FNIP2: variants seen among roughly 807,000 people sequenced by gnomAD.
The protein encoded by FNIP2 is folliculin-interacting protein 2.
Under a neutral mutation model 108.7 loss-of-function variants are expected in FNIP2, and 32 were observed. The observed-to-expected ratio is 0.29, with a 90% confidence interval of 0.22 to 0.40. The LOEUF (loss-of-function observed/expected upper bound fraction) is 0.40. Ranked by LOEUF, FNIP2 falls within the 10% of genes least tolerant of loss-of-function variation. The pLI, the probability that FNIP2 is intolerant of heterozygous loss-of-function variation, is 1.00. For missense variants in FNIP2, 1,202 were observed against 1,381.6 expected (o/e 0.87, Z 2.06); for synonymous variants, 480 against 496.7 (o/e 0.97, Z 0.45).
chr4:158,853,571 C>G (rs1305066135), intron 8 of FNIP2, among the ~76,000 whole-genome samples: 2 of 152,196 alleles, frequency 1.3e-5, no homozygotes, highest in Non-Finnish European at 2.9e-5. Flanking sequence ...GTTCCCCACC[C>G]TGTGTCCAAG....
At position 158,868,682 on chromosome 4, in the gene FNIP2, C is replaced by G; in HGVS notation, c.2046C>G (p.Val682=). Residue 682 remains valine (V), a synonymous_variant, in exon 13 of 17, where the codon GTC becomes GTG. Coordinates refer to ENST00000264433, the MANE Select transcript of FNIP2 (RefSeq NM_020840.3). The surrounding 1 kb of genome is among the most constrained non-coding windows in gnomAD (Gnocchi z 4.6). ...GAGMKMDQQA[V]CELLKVEMPT... ...GAATGAAGATGGACCAGCAAGCTGT[C>G]TGTGAGCTGTTGAAAGTGGAGATGC... 2 of 1,614,024 alleles carry G rather than the reference C, an allele frequency of 1.2e-6. No individual in the cohort carries two copies. Among genetic ancestry groups the G allele is most frequent in the Non-Finnish European group, 1.7e-6 (2 of 1,179,906 alleles).
At chr4:158,811,049 T>C (rs1254751851) in intron 1 of FNIP2, among the ~76,000 whole-genome samples, 4 of 152,134 alleles carry the variant, frequency 2.6e-5, no homozygotes, top group African/African-American at 9.7e-5. Context: ...GAGAGAGCAA[T>C]AACTTGTGAC....
intron 14 of FNIP2, among the ~76,000 whole-genome samples, chr4:158,875,762 T>C (rs1781247358): frequency 6.6e-6 from 1 of 152,060 alleles, no homozygotes; most frequent in Admixed American, 6.5e-5. Context: ...TTTCCCCATG[T>C]TTGGATAATA....
intron 1 of FNIP2, chr4:158,806,358 A>G (rs762436508): frequency 4.7e-6 from 6 of 1,289,434 alleles, no homozygotes; most frequent in Non-Finnish European, 6.1e-6. Flanking sequence ...GGGCGCTTTT[A>G]TGCACAAAGA....
chr4:158,876,719 A>C (rs895471172), intron 14 of FNIP2, among the ~76,000 whole-genome samples: 1 of 152,186 alleles, frequency 6.6e-6, no homozygotes, highest in African/African-American at 2.4e-5. Context: ...GAAAGTGCTC[A>C]CTAACGTTAG....
In FNIP2 at chr4:158,829,056, C is replaced by T. The variant is rs375973911; in HGVS notation, c.235-23C>T. ...CCTGATATACTTAGTAATCTTTTACCTTGCCTGTCTCTCTTAACCTAGAAA... is the reference window on the plus strand; with the variant it reads ...CCTGATATACTTAGTAATCTTTTACTTTGCCTGTCTCTCTTAACCTAGAAA... On this transcript the variant is annotated intron_variant, in intron 2 of 16. Transcript: ENST00000264433. The T allele has an allele frequency of 1.3e-5, 21 of 1,564,628 alleles. No individual in the cohort carries two copies. The African/African-American group carries it at 2.4e-4, about 18-fold the overall frequency.
rs1485251786 is a variant in FNIP2, at chr4:158,868,480, A to G, written c.1844A>G (p.Asp615Gly). The change falls in exon 13 of 17, where the codon GAC (aspartate) becomes GGC (glycine). Residue 615 changes from aspartate to glycine, a missense_variant. Physicochemically the swap from Asp to Gly is moderately conservative, Grantham distance 94. This residue lies in a region of FNIP2 where 878 missense variants were observed against 990.3 expected (regional missense o/e 0.89). Coordinates refer to ENST00000264433, the MANE Select transcript of FNIP2 (RefSeq NM_020840.3). This position sits in a 1 kb window ranked among gnomAD's most constrained non-coding sequence, Gnocchi z 4.6. ...AGTAGAGACCTGGGTCTTAAACCTG[A>G]CAAAGAAGCTAACAGGAGGCCAGAG... ...TDSRDLGLKP[D>G]KEANRRPEQG... is the part of the protein sequence containing the mutation. 2 of 1,614,038 alleles carry G rather than the reference A, an allele frequency of 1.2e-6. No individual in the cohort carries two copies. Among genetic ancestry groups the G allele is most frequent in the South Asian group, 1.1e-5 (1 of 91,078 alleles).
At chr4:158,811,555 TTAATAA>T (rs56387475) in intron 1 of FNIP2, among the ~76,000 whole-genome samples, 1 of 151,356 alleles carries the variant, frequency 6.6e-6, no homozygotes, top group East Asian at 1.9e-4. Flanking sequence ...ATAATATTAA[TTAATAA>T]TAATAATGAT....
rs974653210 is a variant in FNIP2, at chr4:158,890,378, G to A, written c.2950-1068G>A. Reference sequence around the variant, plus strand: ...CCCTTGGATAATAGTAGGAAAAAATGTTGGTCCGCACGAAGTTTTCATTCA... The same window carrying A: ...CCCTTGGATAATAGTAGGAAAAAATATTGGTCCGCACGAAGTTTTCATTCA... On this transcript the variant is annotated intron_variant, in intron 14 of 16. Transcript: ENST00000264433. 1.4e-5 allele frequency: 14 copies of A among 984,430 alleles called. No homozygotes were observed. The African/African-American group carries it at 2.3e-4, about 16-fold the overall frequency. 61.0% of individuals were successfully genotyped at this position (984,430 alleles called of 1,614,324 possible).
intron 14 of FNIP2, among the ~76,000 whole-genome samples, chr4:158,875,764 T>C (rs774271067): frequency 2.6e-5 from 4 of 152,042 alleles, no homozygotes; most frequent in Non-Finnish European, 5.9e-5. Context: ...TCCCCATGTT[T>C]GGATAATAAA....
chr4:158,845,822 A>C (rs1039978115), intron 7 of FNIP2, among the ~76,000 whole-genome samples: 3 of 152,244 alleles, frequency 2.0e-5, no homozygotes, highest in African/African-American at 7.2e-5. Context: ...CAGCACTTTT[A>C]CATAAAAATC....
chr4:158,845,926 G>A (rs1246155502), intron 7 of FNIP2, among the ~76,000 whole-genome samples: 1 of 152,162 alleles, frequency 6.6e-6, no homozygotes, highest in African/African-American at 2.4e-5. Context: ...GTGTCATTCA[G>A]CAGGAAAAAA....
chr4:158,774,452 G>A (rs1007282960), intron 1 of FNIP2, among the ~76,000 whole-genome samples: 5 of 152,080 alleles, frequency 3.3e-5, no homozygotes, highest in Admixed American at 6.5e-5. Flanking sequence ...TACACTGTGA[G>A]GGAATAGAGT....
chr4:158,781,659 C>T (rs1017297060), intron 1 of FNIP2, among the ~76,000 whole-genome samples: 6 of 152,186 alleles, frequency 3.9e-5, no homozygotes, highest in Middle Eastern at 3.4e-3. Context: ...GGACTACAGG[C>T]GCATGCCACC....
intron 14 of FNIP2, among the ~76,000 whole-genome samples, chr4:158,884,969 T>A (rs1781939626): frequency 7.5e-6 from 1 of 133,688 alleles, no homozygotes; most frequent in African/African-American, 2.8e-5. Context: ...GGCAAAACCC[T>A]ACCTCTGCTA....
chr4:158,818,113 T>C (rs1274425665), intron 1 of FNIP2, among the ~76,000 whole-genome samples: 1 of 152,250 alleles, frequency 6.6e-6, no homozygotes, highest in Non-Finnish European at 1.5e-5. Flanking sequence ...TTTTCCTCTC[T>C]GTACTTTGTA....
In FNIP2 at chr4:158,845,483, C is replaced by T. The variant is rs1779350308; in HGVS notation, c.728-5838C>T. On this transcript the variant is annotated intron_variant, in intron 7 of 16. Transcript: ENST00000264433. ...CTGGACTCAAGCTCCTAGGCTCAAG[C>T]GATCCTCTGGGCTTGAGCTATCCTC... 2.0e-5 allele frequency among the ~76,000 whole-genome samples: 3 copies of T among 152,216 alleles called. No individual in the cohort carries two copies. The South Asian group carries it at 6.2e-4, about 31-fold the overall frequency.
At chr4:158,842,369 A>G (rs929156044) in intron 7 of FNIP2, among the ~76,000 whole-genome samples, 18 of 152,234 alleles carry the variant, frequency 1.2e-4, no homozygotes, top group African/African-American at 4.1e-4. Flanking sequence ...GCGATACATC[A>G]AATTCTGCAA....
intron 7 of FNIP2, among the ~76,000 whole-genome samples, chr4:158,851,103 T>C (rs566914100): frequency 7.9e-5 from 12 of 152,336 alleles, no homozygotes; most frequent in African/African-American, 2.9e-4. Flanking sequence ...AAAATACATA[T>C]AATATGAAAT....
Sources: gnomAD v4.1 joint callset for allele counts (sites outside exome capture counted in the v4.1 genomes callset) on GRCh38, gnomAD v4.1.1 for gene constraint, gnomAD v4.1.1 regional missense constraint, Gnocchi (gnomAD v3.1) non-coding constraint, MANE v1.5 for transcripts, NCBI Gene and HGNC (gene_info 2026-07-23, HGNC 2026-07-21) for gene names.